The following UBL3 variants were observed in gnomAD, a reference collection of about 807,000 sequenced individuals.
UBL3 encodes the protein ubiquitin like 3.
UBL3 carries 6 observed loss-of-function variants against 18.4 expected under a neutral mutation model. That is an observed-to-expected ratio of 0.33 (90% CI 0.18 to 0.64). The LOEUF (loss-of-function observed/expected upper bound fraction) is 0.64. UBL3 is among the 30% of genes least tolerant of loss of function. UBL3 has a pLI of 0.76. For synonymous variants in UBL3, 49 were observed against 46.6 expected (o/e 1.05, Z -0.21); for missense variants, 109 against 142.9 (o/e 0.76, Z 1.21).
At chr13:29,812,352 C>G (rs926092669) in intron 1 of UBL3, among the ~76,000 whole-genome samples, 1 of 152,030 alleles carries the variant, frequency 6.6e-6, no homozygotes, top group Admixed American at 6.6e-5. Context: ...GGTTATATCA[C>G]TTTAAGTATA....
At chr13:29,770,456 T>G (rs1430748248) in intron 3 of UBL3, among the ~76,000 whole-genome samples, 1 of 152,096 alleles carries the variant, frequency 6.6e-6, no homozygotes, top group African/African-American at 2.4e-5. Flanking sequence ...AATTATACTT[T>G]AGTGGGAATA....
At chr13:29,836,567 A>G (rs980634721) in intron 1 of UBL3, among the ~76,000 whole-genome samples, 2 of 151,842 alleles carry the variant, frequency 1.3e-5, no homozygotes, top group African/African-American at 4.8e-5. Flanking sequence ...TCCCTTAGAG[A>G]AGGGAAACAC....
intron 1 of UBL3, among the ~76,000 whole-genome samples, chr13:29,838,070 T>C (rs914132752): frequency 5.4e-5 from 8 of 148,042 alleles, no homozygotes; most frequent in African/African-American, 1.5e-4. Flanking sequence ...AATAGTAAAA[T>C]TGGTGAAAAC....
At chr13:29,808,378 C>T (rs1051961194) in intron 1 of UBL3, among the ~76,000 whole-genome samples, 2 of 152,076 alleles carry the variant, frequency 1.3e-5, no homozygotes, top group Admixed American at 1.3e-4. Flanking sequence ...CCCACTCCCC[C>T]CACCTCACAC....
At chr13:29,773,088 GTGTT>G (rs1297380184) in intron 2 of UBL3, among the ~76,000 whole-genome samples, 2 of 152,094 alleles carry the variant, frequency 1.3e-5, no homozygotes. Context: ...CAATTCTAAT[GTGTT>G]TGTTTCCTAT....
chr13:29,840,736 T>C (rs79978425), intron 1 of UBL3, among the ~76,000 whole-genome samples: 2,281 of 152,308 alleles, frequency 0.015, 58 homozygotes, highest in African/African-American at 0.051. Context: ...ACTAAGAGTT[T>C]TGTCCTAAGG....
intron 1 of UBL3, among the ~76,000 whole-genome samples, chr13:29,782,044 T>C (rs933193409): frequency 4.0e-4 from 61 of 151,806 alleles, no homozygotes; most frequent in African/African-American, 1.4e-3. Context: ...CAAAGCCTAC[T>C]TTTTATAGAA....
intron 1 of UBL3, among the ~76,000 whole-genome samples, chr13:29,847,266 C>T (rs974364007): frequency 7.2e-5 from 11 of 152,148 alleles, no homozygotes; most frequent in African/African-American, 2.2e-4. Flanking sequence ...TAAAAAAATA[C>T]TCAGAACAAT....
chr13:29,780,303 A>G (rs4387451), intron 1 of UBL3, among the ~76,000 whole-genome samples: 38,273 of 138,436 alleles, frequency 0.28, 5,312 homozygotes, highest in East Asian at 0.42. Context: ...GCAGTGAGCC[A>G]AGATTGTGCC....
At chr13:29,788,868 TGTGCGCGCGCGCGCGCACGCGCAC>T (rs374070853) in intron 1 of UBL3, among the ~76,000 whole-genome samples, 3,203 of 20,394 alleles carry the variant, frequency 0.16, 56 homozygotes, top group African/African-American at 0.18. Context: ...TGTGTGTGTG[TGTGCGCGCGCGCGCGCACGCGCAC>T]GTGTGTGCGT....
chr13:29,846,461 A>G (rs774686118), intron 1 of UBL3, among the ~76,000 whole-genome samples: 35 of 152,132 alleles, frequency 2.3e-4, no homozygotes, highest in Non-Finnish European at 4.6e-4. Context: ...TGACATTTGG[A>G]TCATTAAAAA....
Position 29,826,696 on chromosome 13 carries a change from C to G in UBL3, c.27+22816G>C, listed in dbSNP as rs1878629040. Among the ~76,000 whole-genome samples the G allele has an allele frequency of 2.6e-5, 4 of 152,102 alleles. No homozygotes were observed. The South Asian group carries it at 8.3e-4, about 32-fold the overall frequency. ...TGTCTCTATCTCCTTCAGTTCTGCT[C>G]TGATCTTAGTTATTTCTTGCCTTCT... On this transcript the variant is annotated intron_variant, in intron 1 of 4. Coordinates refer to ENST00000380680, the MANE Select transcript of UBL3 (RefSeq NM_007106.4).
intron 1 of UBL3, among the ~76,000 whole-genome samples, chr13:29,808,196 C>G (rs1406296225): frequency 6.6e-6 from 1 of 152,040 alleles, no homozygotes; most frequent in Non-Finnish European, 1.5e-5. Context: ...ATGGGAAAAA[C>G]TAAATATTTA....
At chr13:29,799,680 T>C (rs1239069915) in intron 1 of UBL3, among the ~76,000 whole-genome samples, 1 of 152,140 alleles carries the variant, frequency 6.6e-6, no homozygotes, top group Non-Finnish European at 1.5e-5. Flanking sequence ...AAGAGTCAAA[T>C]CCTGTATTTT....
intron 1 of UBL3, chr13:29,777,569 C>G (rs1014137739): frequency 2.3e-6 from 1 of 437,412 alleles, no homozygotes; most frequent in Non-Finnish European, 4.5e-6. Flanking sequence ...TGAACTTTTG[C>G]AAGTTATCAC....
chr13:29,783,480 A>G (rs979188721), intron 1 of UBL3, among the ~76,000 whole-genome samples: 1 of 152,178 alleles, frequency 6.6e-6, no homozygotes, highest in African/African-American at 2.4e-5. Flanking sequence ...ATGGAGAAAA[A>G]CACTGGATTC....
At chr13:29,782,281 A>G (rs1877197291) in intron 1 of UBL3, among the ~76,000 whole-genome samples, 1 of 152,106 alleles carries the variant, frequency 6.6e-6, no homozygotes, top group East Asian at 1.9e-4. Flanking sequence ...CCAAAACAAG[A>G]CAAAACAAGA....
At chr13:29,835,735 C>A (rs1224726753) in intron 1 of UBL3, among the ~76,000 whole-genome samples, 1 of 112,920 alleles carries the variant, frequency 8.9e-6, no homozygotes, top group Non-Finnish European at 1.6e-5. Flanking sequence ...AGCCTGGCAA[C>A]AGAGCTAGAC....
intron 1 of UBL3, among the ~76,000 whole-genome samples, chr13:29,790,737 C>T: frequency 6.6e-6 from 1 of 151,256 alleles, no homozygotes; most frequent in East Asian, 1.9e-4. Flanking sequence ...CCCATATTAC[C>T]TGTTACCCAC....
Sources: gnomAD v4.1 joint callset for allele counts (sites outside exome capture counted in the v4.1 genomes callset) on GRCh38, gnomAD v4.1.1 for gene constraint, MANE v1.5 for transcripts, NCBI Gene and HGNC (gene_info 2026-07-23, HGNC 2026-07-21) for gene names.